Variants in PTPRT observed in about 807,000 individuals in gnomAD.
The protein encoded by PTPRT is receptor-type tyrosine-protein phosphatase T.
Under a neutral mutation model 176.8 loss-of-function variants are expected in PTPRT, and 56 were observed. The ratio of observed to expected loss-of-function variants is 0.32; its 90% CI spans 0.26 to 0.40. PTPRT has a LOEUF of 0.40. Ranked by LOEUF, PTPRT falls within the 10% of genes least tolerant of loss-of-function variation. The pLI, the probability that PTPRT is intolerant of heterozygous loss-of-function variation, is 1.00. For synonymous variants in PTPRT, 783 were observed against 739.0 expected (o/e 1.06, Z -0.96); for missense variants, 1,540 against 1,908.2 (o/e 0.81, Z 3.60).
At chr20:42,449,875 A>G (rs1231488993) in intron 8 of PTPRT, among the ~76,000 whole-genome samples, 1 of 152,266 alleles carries the variant, frequency 6.6e-6, no homozygotes, top group African/African-American at 2.4e-5. Context: ...AAAATTACTC[A>G]TAATTCACAT....
At chr20:42,765,561 A>G (rs1025900215) in intron 5 of PTPRT, among the ~76,000 whole-genome samples, 11 of 152,204 alleles carry the variant, frequency 7.2e-5, no homozygotes, top group Non-Finnish European at 1.3e-4. Context: ...TCATCTTAGA[A>G]TATTTGGATA....
chr20:42,313,368 C>G (rs2057665679), intron 12 of PTPRT, among the ~76,000 whole-genome samples: 1 of 152,118 alleles, frequency 6.6e-6, no homozygotes, highest in Non-Finnish European at 1.5e-5. Flanking sequence ...CGGACTTACC[C>G]TGAATTCTTT....
At chr20:42,276,729 A>T (rs1314685185) in intron 13 of PTPRT, among the ~76,000 whole-genome samples, 1 of 151,056 alleles carries the variant, frequency 6.6e-6, no homozygotes, top group Non-Finnish European at 1.5e-5. Flanking sequence ...CCTCTCAAGG[A>T]AGCTTCCTAT....
At chr20:42,165,884 A>G (rs2146522442) in intron 16 of PTPRT, among the ~76,000 whole-genome samples, 1 of 152,280 alleles carries the variant, frequency 6.6e-6, no homozygotes, top group African/African-American at 2.4e-5. Flanking sequence ...GTAATTTAAG[A>G]TGGTCTTGTG....
intron 7 of PTPRT, among the ~76,000 whole-genome samples, chr20:42,552,298 A>C (rs2145618431): frequency 6.6e-6 from 1 of 152,316 alleles, no homozygotes; most frequent in South Asian, 2.1e-4. Flanking sequence ...GCCACTGAAG[A>C]CACATATGAA....
At chr20:42,120,414 A>T (rs1041612354) in intron 19 of PTPRT, among the ~76,000 whole-genome samples, 2 of 152,204 alleles carry the variant, frequency 1.3e-5, no homozygotes, top group Non-Finnish European at 2.9e-5. Flanking sequence ...TCAATTGTTG[A>T]CTTCTTCCAT....
intron 12 of PTPRT, among the ~76,000 whole-genome samples, chr20:42,298,963 TA>T (rs966952506): frequency 2.0e-4 from 29 of 147,326 alleles, no homozygotes; most frequent in African/African-American, 2.0e-4. Context: ...TGTGCAGCTG[TA>T]AAAAAAAAAT....
chr20:42,261,369 T>G (rs2056746064), intron 13 of PTPRT, among the ~76,000 whole-genome samples: 5 of 149,204 alleles, frequency 3.4e-5, no homozygotes. Flanking sequence ...CCCTTCTGAC[T>G]TTATCTAAAC....
chr20:42,792,581 T>C (rs972606201), intron 2 of PTPRT, among the ~76,000 whole-genome samples: 1 of 152,222 alleles, frequency 6.6e-6, no homozygotes, highest in East Asian at 1.9e-4. Context: ...CTTATGATTC[T>C]ATGAAATAAA....
At chr20:43,125,162 ATTT>A (rs11477178) in intron 1 of PTPRT, among the ~76,000 whole-genome samples, 9 of 145,350 alleles carry the variant, frequency 6.2e-5, no homozygotes, top group African/African-American at 1.8e-4. Flanking sequence ...CACCTAGCTG[ATTT>A]TTTTTTTTTT....
chr20:42,383,121 T>C lies in PTPRT; in HGVS notation c.1561-30836A>G, dbSNP rs372135682. ...GTATCTAAAGTGCACTCAATACATG[T>C]GAGCAATTATAAGTTTCATTAAATA... is the stretch of plus-strand genomic sequence containing the variant. On this transcript the variant is annotated intron_variant, in intron 9 of 30. Transcript: ENST00000373187. Among the ~76,000 whole-genome samples, 9 of 152,322 alleles carry C rather than the reference T, an allele frequency of 5.9e-5. No individual in the cohort carries two copies. The South Asian group carries it at 1.7e-3, about 28-fold the overall frequency.
chr20:42,285,800 C>CAA (rs11481906), intron 12 of PTPRT, among the ~76,000 whole-genome samples: 11 of 151,290 alleles, frequency 7.3e-5, no homozygotes, highest in South Asian at 6.2e-4. Context: ...AAAACTTTAC[C>CAA]AAAAAAACAC....
intron 1 of PTPRT, among the ~76,000 whole-genome samples, chr20:43,066,355 C>G (rs1487300419): frequency 6.6e-6 from 1 of 152,184 alleles, no homozygotes; most frequent in African/African-American, 2.4e-5. Context: ...TTATAATCTT[C>G]TAGAGGGTAT....
intron 9 of PTPRT, among the ~76,000 whole-genome samples, chr20:42,355,222 T>A (rs1191194694): frequency 6.6e-6 from 1 of 152,146 alleles, no homozygotes; most frequent in East Asian, 1.9e-4. Flanking sequence ...CTCCTTGGTA[T>A]TCCTGCAGCA....
intron 12 of PTPRT, among the ~76,000 whole-genome samples, chr20:42,287,593 G>A (rs2057251559): frequency 6.6e-6 from 1 of 151,782 alleles, no homozygotes; most frequent in Admixed American, 6.6e-5. Flanking sequence ...GAGAGAGAAA[G>A]GGAAAGATTT....
At chr20:42,859,448 C>T (rs1345646143) in intron 2 of PTPRT, among the ~76,000 whole-genome samples, 1 of 152,172 alleles carries the variant, frequency 6.6e-6, no homozygotes, top group East Asian at 1.9e-4. Context: ...CCAGAGGTCT[C>T]ACCAACACTG....
intron 9 of PTPRT, among the ~76,000 whole-genome samples, chr20:42,358,275 A>G (rs1306297606): frequency 6.6e-6 from 1 of 152,036 alleles, no homozygotes; most frequent in Non-Finnish European, 1.5e-5. Context: ...TTTAAAAGAC[A>G]ACAAATGGCA....
intron 17 of PTPRT, among the ~76,000 whole-genome samples, chr20:42,154,085 G>C (rs1320542495): frequency 6.6e-6 from 1 of 152,172 alleles, no homozygotes; most frequent in Non-Finnish European, 1.5e-5. Flanking sequence ...GTCATTATGA[G>C]TTCCCAGAGT....
intron 9 of PTPRT, among the ~76,000 whole-genome samples, chr20:42,355,614 A>C (rs2058348450): frequency 6.6e-6 from 1 of 152,196 alleles, no homozygotes; most frequent in Non-Finnish European, 1.5e-5. Flanking sequence ...AAATGGGGGC[A>C]AATGGAGTTT....
Sources: allele counts gnomAD v4.1 joint callset (sites outside exome capture counted in the v4.1 genomes callset), GRCh38; gene constraint gnomAD v4.1.1; transcripts MANE v1.5; gene names NCBI Gene and HGNC (gene_info 2026-07-23, HGNC 2026-07-21).